Variants in MRPL13 observed in about 807,000 individuals in gnomAD.
MRPL13 encodes mitochondrial ribosomal protein L13, also known as large ribosomal subunit protein uL13m.
MRPL13 carries 33 observed loss-of-function variants against 29.0 expected under a neutral mutation model. The ratio of observed to expected loss-of-function variants is 1.14; its 90% CI spans 0.86 to 1.52. MRPL13 has a LOEUF of 1.52. Ranked by LOEUF, MRPL13 falls within the 40% of genes most tolerant of loss-of-function variation. The pLI is 0.00. For synonymous variants in MRPL13, 77 were observed against 68.4 expected (o/e 1.13, Z -0.62); for missense variants, 227 against 216.7 (o/e 1.05, Z -0.30).
chr8:120,415,033 A>T (rs993756588), intron 5 of MRPL13: 1 of 152,188 alleles, frequency 6.6e-6, no homozygotes, highest in Non-Finnish European at 1.5e-5. Context: ...AGTAAAGCAC[A>T]TATCTAAGAC....
At chr8:120,430,050 T>C (rs1812980729) in intron 3 of MRPL13, among the ~76,000 whole-genome samples, 1 of 152,112 alleles carries the variant, frequency 6.6e-6, no homozygotes, top group African/African-American at 2.4e-5. Context: ...TCACCTGATG[T>C]CAGGAGTTCG....
chr8:120,397,210 T>C lies in MRPL13; in HGVS notation c.516-1085A>G, dbSNP rs181174596. 2.4e-4 allele frequency among the ~76,000 whole-genome samples: 26 copies of C among 106,736 alleles called. No individual in the cohort carries two copies. The East Asian group carries it at 7.0e-3, about 29-fold the overall frequency. 70.0% of individuals were successfully genotyped at this position (106,736 alleles called of 152,430 possible). A position where few individuals can be genotyped will look rare whatever the true frequency, so the allele number is the denominator to read the frequency against. On this transcript the variant is annotated intron_variant, in intron 6 of 6. Transcript: ENST00000306185. ...CACACCACCAGGGCCTTGGGTCCAATACACAGAGCTGTGCAGAGTCTTGGC... is the reference window on the plus strand; with the variant it reads ...CACACCACCAGGGCCTTGGGTCCAACACACAGAGCTGTGCAGAGTCTTGGC...
intron 6 of MRPL13, among the ~76,000 whole-genome samples, chr8:120,398,993 G>A (rs1470468220): frequency 1.3e-5 from 2 of 151,432 alleles, no homozygotes; most frequent in Admixed American, 1.3e-4. Context: ...AAGAAATATG[G>A]GACTATGTAA....
In MRPL13 at chr8:120,425,651, A is replaced by C. The variant is rs143064335; in HGVS notation, c.246-285T>G. ...TTAATTCACTCACTCATTATGGGGT[A>C]TTTATTACTACTTGATTTAACAAAG... is the stretch of plus-strand genomic sequence containing the variant. On this transcript the variant is annotated intron_variant, in intron 3 of 6. Coordinates refer to ENST00000306185, the MANE Select transcript of MRPL13 (RefSeq NM_014078.6). Among the ~76,000 whole-genome samples the C allele has an allele frequency of 4.0e-3, 612 of 152,286 alleles. 6 individuals are homozygous for C. Among genetic ancestry groups the C allele is most frequent in the Non-Finnish European group, 3.4e-3 (233 of 68,018 alleles).
chr8:120,428,796 C>T (rs1812963048), intron 3 of MRPL13, among the ~76,000 whole-genome samples: 1 of 152,134 alleles, frequency 6.6e-6, no homozygotes, highest in African/African-American at 2.4e-5. Flanking sequence ...CCATCTCACA[C>T]CAGTGAGAAT....
At chr8:120,411,448 G>A (rs1812738641) in intron 6 of MRPL13, among the ~76,000 whole-genome samples, 1 of 152,032 alleles carries the variant, frequency 6.6e-6, no homozygotes, top group Admixed American at 6.6e-5. Context: ...ATAAGCTTTT[G>A]GTTAATCCAA....
chr8:120,398,614 AC>A (rs1421169353), intron 6 of MRPL13, among the ~76,000 whole-genome samples: 1 of 152,116 alleles, frequency 6.6e-6, no homozygotes, highest in Non-Finnish European at 1.5e-5. Flanking sequence ...TGACAGCAAC[AC>A]CTCTCCAGCA....
intron 6 of MRPL13, among the ~76,000 whole-genome samples, chr8:120,406,042 G>A (rs1812664040): frequency 6.6e-6 from 1 of 152,066 alleles, no homozygotes; most frequent in African/African-American, 2.4e-5. Flanking sequence ...TAAAATGTGC[G>A]TTAATGTTAT....
At chr8:120,429,736 A>T (rs1353832178) in intron 3 of MRPL13, among the ~76,000 whole-genome samples, 1 of 152,158 alleles carries the variant, frequency 6.6e-6, no homozygotes, top group African/African-American at 2.4e-5. Flanking sequence ...GACTAGTTCC[A>T]GGACCTCCTG....
intron 6 of MRPL13, among the ~76,000 whole-genome samples, chr8:120,407,707 T>C (rs1023341057): frequency 6.7e-6 from 1 of 148,356 alleles, no homozygotes; most frequent in Non-Finnish European, 1.5e-5. Flanking sequence ...AAATACATTA[T>C]TGGTCCTACT....
At chr8:120,408,890 G>A (rs1174926483) in intron 6 of MRPL13, among the ~76,000 whole-genome samples, 1 of 152,168 alleles carries the variant, frequency 6.6e-6, no homozygotes, top group African/African-American at 2.4e-5. Context: ...GACTGAAGAG[G>A]ATGCTCACCA....
At chr8:120,415,645 A>G (rs1812794956) in intron 5 of MRPL13, 2 of 152,146 alleles carry the variant, frequency 1.3e-5, no homozygotes, top group African/African-American at 4.8e-5. Flanking sequence ...AACACAATAG[A>G]TACTCTTGAT....
In MRPL13 at chr8:120,413,749, T is replaced by C. The variant is rs547515965; in HGVS notation, c.515+242A>G. Among the ~76,000 whole-genome samples, 10 of 152,216 alleles carry C rather than the reference T, an allele frequency of 6.6e-5. No homozygotes were observed. In the South Asian group the frequency reaches 1.4e-3, roughly 22 times the overall value. ...AAGACTACCATCAGCCCAAACAAAA[T>C]ACTTGATAATTATAGGAACCTATGA... On this transcript the variant is annotated intron_variant, in intron 6 of 6. Transcript: ENST00000306185.
intron 1 of MRPL13, 48 bp downstream of exon 1, chr8:120,445,020 T>C: frequency 6.2e-7 from 1 of 1,613,386 alleles, no homozygotes; most frequent in Non-Finnish European, 8.5e-7. Flanking sequence ...AACGCTCTCC[T>C]TCTGCCAGTA....
At chr8:120,417,474 T>C (rs2130465499) in intron 5 of MRPL13, among the ~76,000 whole-genome samples, 1 of 152,310 alleles carries the variant, frequency 6.6e-6, no homozygotes, top group South Asian at 2.1e-4. Flanking sequence ...ATATTTTTTA[T>C]ATGATATTCT....
intron 6 of MRPL13, among the ~76,000 whole-genome samples, chr8:120,397,570 C>T (rs1363700899): frequency 6.6e-6 from 1 of 152,032 alleles, no homozygotes; most frequent in Non-Finnish European, 1.5e-5. Flanking sequence ...GGAGGAGTCG[C>T]CCACAATGCA....
chr8:120,420,213 C>A (rs1410408105), intron 4 of MRPL13, among the ~76,000 whole-genome samples: 3 of 151,388 alleles, frequency 2.0e-5, no homozygotes, highest in Admixed American at 2.0e-4. Flanking sequence ...GAATAATTAT[C>A]ATTTGCACTC....
Position 120,395,744 on chromosome 8 carries a change from C to T in MRPL13, c.*360G>A, listed in dbSNP as rs1490504345. On this transcript the variant is annotated 3_prime_UTR_variant, in exon 7 of 7. Coordinates refer to ENST00000306185, the MANE Select transcript of MRPL13 (RefSeq NM_014078.6). ...GTTCACAAGGGACAAGAATAGTGACCTGCAAACTTGAGAAAATCTGCATGG... is the reference window on the plus strand; with the variant it reads ...GTTCACAAGGGACAAGAATAGTGACTTGCAAACTTGAGAAAATCTGCATGG... 5.7e-6 allele frequency: 1 copy of T among 176,800 alleles called. No homozygotes were observed. The highest frequency in any genetic ancestry group is 1.2e-5 in the Non-Finnish European group (1 of 85,138). 11.0% of individuals were successfully genotyped at this position (176,800 alleles called of 1,614,324 possible). A position where few individuals can be genotyped will look rare whatever the true frequency, so the allele number is the denominator to read the frequency against.
intron 5 of MRPL13, among the ~76,000 whole-genome samples, chr8:120,417,293 G>A (rs1812815236): frequency 6.6e-6 from 1 of 152,116 alleles, no homozygotes; most frequent in Non-Finnish European, 1.5e-5. Context: ...TAATGTAAAA[G>A]CAATGGGAAG....
Sources: gnomAD v4.1 joint callset for allele counts (sites outside exome capture counted in the v4.1 genomes callset) on GRCh38, gnomAD v4.1.1 for gene constraint, MANE v1.5 for transcripts, NCBI Gene and HGNC (gene_info 2026-07-23, HGNC 2026-07-21) for gene names.